The following LRP1B variants were observed in gnomAD, a reference collection of about 807,000 sequenced individuals.
LRP1B encodes low-density lipoprotein receptor-related protein 1B.
In LRP1B, 217 loss-of-function variants were observed where a neutral mutation model predicts 556.6. The observed-to-expected ratio is 0.39, with a 90% CI of 0.35 to 0.44. LRP1B has a LOEUF of 0.44. Ranked by LOEUF, LRP1B falls within the 20% of genes least tolerant of loss-of-function variation. The pLI is 1.00. For synonymous variants in LRP1B, 2,047 were observed against 1,865.8 expected, an observed-to-expected ratio of 1.10 and a Z score of -2.50; for missense variants, 5,053 against 5,620.8, an observed-to-expected ratio of 0.90 and a Z score of 3.23.
chr2:140,358,135 A>G lies in LRP1B; in HGVS notation c.11258-19T>C. 6.2e-7 allele frequency: 1 copy of G among 1,606,206 alleles called. No individual in the cohort carries two copies. The highest frequency in any genetic ancestry group is 8.5e-7 in the Non-Finnish European group (1 of 1,174,964). ...AGCTTACCTATAGAGTCATACAAAA[A>G]ATGATTAGTGCTTCACAGAATCAAA... On this transcript the variant is annotated intron_variant, in intron 73 of 90. Transcript: ENST00000389484.
intron 77 of LRP1B, among the ~76,000 whole-genome samples, chr2:140,340,323 A>G (rs975133793): frequency 1.3e-5 from 2 of 151,634 alleles, no homozygotes; most frequent in Non-Finnish European, 3.0e-5. Context: ...GTCTTTGAAC[A>G]TGTCTAGCTC....
chr2:140,802,544 A>G (rs1461406420), intron 32 of LRP1B, among the ~76,000 whole-genome samples: 1 of 152,208 alleles, frequency 6.6e-6, no homozygotes, highest in Non-Finnish European at 1.5e-5. Flanking sequence ...CAAGCCATCA[A>G]CATCAATTCC....
In LRP1B at chr2:140,950,121, T is replaced by C. The variant is rs1695668496; in HGVS notation, c.3136+114A>G. ...ATGATTTTACACAGTTCCACATGTA[T>C]ATTCTTGCCTAATAAGCAATTTCTT... On this transcript the variant is annotated intron_variant, in intron 20 of 90. Coordinates refer to ENST00000389484, the MANE Select transcript of LRP1B (RefSeq NM_018557.3). 4 of 705,976 alleles carry C rather than the reference T, an allele frequency of 5.7e-6. 1 individual carries two copies. Among genetic ancestry groups the C allele is most frequent in the East Asian group, 6.0e-5 (2 of 33,272 alleles). The allele number at this position is 705,976 out of a possible 1,614,324, so 43.7% of individuals were successfully genotyped here.
intron 1 of LRP1B, among the ~76,000 whole-genome samples, chr2:141,906,010 G>GTC (rs1360219839): frequency 6.6e-6 from 1 of 150,918 alleles, no homozygotes; most frequent in East Asian, 1.9e-4. Context: ...GTGTGTGTGT[G>GTC]TGTGTGTGTG....
chr2:141,847,894 G>C (rs1279164912), intron 1 of LRP1B, among the ~76,000 whole-genome samples: 1 of 151,490 alleles, frequency 6.6e-6, no homozygotes, highest in African/African-American at 2.4e-5. Context: ...TGAATATAAT[G>C]ACATCAATGA....
chr2:141,235,120 G>A (rs1186541618), intron 5 of LRP1B, among the ~76,000 whole-genome samples: 1 of 151,914 alleles, frequency 6.6e-6, no homozygotes, highest in East Asian at 1.9e-4. Context: ...TTAGGAAAAC[G>A]AAAAGGCATT....
At chr2:140,975,213 A>G (rs558577832) in intron 18 of LRP1B, among the ~76,000 whole-genome samples, 3 of 152,282 alleles carry the variant, frequency 2.0e-5, no homozygotes, top group African/African-American at 7.2e-5. Context: ...TATGGGGAAT[A>G]AAAGAAACCT....
chr2:141,275,933 C>T (rs1685268697), intron 3 of LRP1B, among the ~76,000 whole-genome samples: 1 of 151,982 alleles, frequency 6.6e-6, no homozygotes, highest in South Asian at 2.1e-4. Context: ...TACACATACA[C>T]ATATATAAAA....
chr2:142,047,233 A>G (rs1382871255), intron 1 of LRP1B, among the ~76,000 whole-genome samples: 1 of 151,994 alleles, frequency 6.6e-6, no homozygotes, highest in Non-Finnish European at 1.5e-5. Context: ...TGCTCATGGT[A>G]CAGCCAACAC....
At chr2:141,115,512 A>C (rs1348239760) in intron 7 of LRP1B, among the ~76,000 whole-genome samples, 4 of 131,754 alleles carry the variant, frequency 3.0e-5, no homozygotes, top group Non-Finnish European at 6.2e-5. Flanking sequence ...ACTGGAGTGC[A>C]ATGTCGTGAT....
chr2:140,271,017 C>G (rs774414728), intron 85 of LRP1B, among the ~76,000 whole-genome samples: 2 of 151,848 alleles, frequency 1.3e-5, no homozygotes, highest in Non-Finnish European at 2.9e-5. Context: ...GAAAAACTTA[C>G]CAAATGTTTC....
chr2:140,335,909 A>G, intron 77 of LRP1B, 71 bp from the exon 78 acceptor site: 1 of 914,186 alleles, frequency 1.1e-6, no homozygotes, highest in East Asian at 2.4e-5. Context: ...GTATCTTTAC[A>G]TTGAAGTTAT....
chr2:141,448,629 G>A (rs767441046), intron 3 of LRP1B, among the ~76,000 whole-genome samples: 3 of 152,156 alleles, frequency 2.0e-5, no homozygotes, highest in East Asian at 1.9e-4. Context: ...GTCCCTTCAC[G>A]GCTTCCCCTG....
At chr2:141,656,182 C>T (rs923053536) in intron 2 of LRP1B, among the ~76,000 whole-genome samples, 4 of 152,098 alleles carry the variant, frequency 2.6e-5, no homozygotes, top group Non-Finnish European at 5.9e-5. Flanking sequence ...CAACACAATA[C>T]CATGTTGCCT....
chr2:140,327,156 A>T (rs773968456), intron 79 of LRP1B, among the ~76,000 whole-genome samples: 1 of 152,120 alleles, frequency 6.6e-6, no homozygotes, highest in African/African-American at 2.4e-5. Flanking sequence ...TCAATAAGCA[A>T]CTGAAGTACA....
At chr2:140,533,938 A>C in intron 47 of LRP1B, 83 bp downstream of exon 47, 1 of 1,484,610 alleles carries the variant, frequency 6.7e-7, no homozygotes, top group South Asian at 1.2e-5. Context: ...TATATGCCAC[A>C]GAGCTCTCAG....
chr2:140,937,994 T>C (rs1695279693), intron 20 of LRP1B, among the ~76,000 whole-genome samples: 1 of 151,708 alleles, frequency 6.6e-6, no homozygotes, highest in Non-Finnish European at 1.5e-5. Flanking sequence ...GAAACCAGAA[T>C]CTCCCCGAGA....
At chr2:141,070,638 A>G (rs1402604637) in intron 7 of LRP1B, among the ~76,000 whole-genome samples, 1 of 152,080 alleles carries the variant, frequency 6.6e-6, no homozygotes, top group Non-Finnish European at 1.5e-5. Flanking sequence ...AGAGAGAAGA[A>G]TCAAATAGAC....
At chr2:140,885,710 A>G (rs1410507238) in intron 24 of LRP1B, among the ~76,000 whole-genome samples, 1 of 152,050 alleles carries the variant, frequency 6.6e-6, no homozygotes, top group African/African-American at 2.4e-5. Context: ...AGATAAGTCA[A>G]ATTATGGCAA....
Sources: allele counts gnomAD v4.1 joint callset (sites outside exome capture counted in the v4.1 genomes callset), GRCh38; gene constraint gnomAD v4.1.1; transcripts MANE v1.5; gene names NCBI Gene and HGNC (gene_info 2026-07-23, HGNC 2026-07-21).